The following SH3PXD2B variants were observed in gnomAD, a reference collection of about 807,000 sequenced individuals.
SH3PXD2B encodes the protein SH3 and PX domains 2B.
Under a neutral mutation model 73.1 loss-of-function variants are expected in SH3PXD2B, and 37 were observed. That is an observed-to-expected ratio of 0.51 (90% CI 0.39 to 0.67). The LOEUF is 0.67. Ranked by LOEUF, SH3PXD2B falls within the 30% of genes least tolerant of loss-of-function variation. The pLI is 0.00. For missense variants in SH3PXD2B, 1,053 were observed against 1,197.8 expected (o/e 0.88, Z 1.78); for synonymous variants, 457 against 480.5 (o/e 0.95, Z 0.64).
chr5:172,439,690 GCGCACACACACACACACACACA>G (rs1759504020), intron 1 of SH3PXD2B, among the ~76,000 whole-genome samples: 2 of 113,166 alleles, frequency 1.8e-5, no homozygotes, highest in African/African-American at 7.6e-5. Context: ...GCGCACGCGC[GCGCACACACACACACACACACA>G]CACACACACA....
chr5:172,439,266 AAAACAAAAACAAAACAAAAAAAAAAC>A (rs1561583440), intron 1 of SH3PXD2B, among the ~76,000 whole-genome samples: 706 of 65,644 alleles, frequency 0.011, 13 homozygotes, highest in African/African-American at 0.04. Context: ...AAAAAAAACA[AAAACAAAAACAAAACAAAAAAAAAAC>A]CCCAAAAAAA....
intron 6 of SH3PXD2B, among the ~76,000 whole-genome samples, chr5:172,363,216 CCAAA>C (rs1431234686): frequency 2.0e-5 from 3 of 152,232 alleles, no homozygotes; most frequent in East Asian, 1.9e-4. Flanking sequence ...ATCCATCCAT[CCAAA>C]CATTCATCTA....
intron 1 of SH3PXD2B, among the ~76,000 whole-genome samples, chr5:172,439,238 G>GAAAAAAAAAAAAAAAA (rs922645535): frequency 6.0e-5 from 2 of 33,220 alleles, no homozygotes; most frequent in African/African-American, 1.4e-4. Context: ...AGAAAAAACA[G>GAAAAAAAAAAAAAAAA]AAAAAAAAAA....
intron 8 of SH3PXD2B, among the ~76,000 whole-genome samples, chr5:172,355,832 G>C (rs1318788389): frequency 6.6e-6 from 1 of 152,102 alleles, no homozygotes; most frequent in East Asian, 1.9e-4. Flanking sequence ...GTGTGAGCCA[G>C]CGCGCCCAGC....
chr5:172,405,276 T>C (rs956146154), intron 3 of SH3PXD2B, among the ~76,000 whole-genome samples: 3 of 152,288 alleles, frequency 2.0e-5, no homozygotes, highest in Admixed American at 6.5e-5. Flanking sequence ...CCCAAGGATG[T>C]GCCGCCCTAA....
chr5:172,389,708 G>C (rs1758136899), intron 4 of SH3PXD2B, among the ~76,000 whole-genome samples: 1 of 152,074 alleles, frequency 6.6e-6, no homozygotes, highest in African/African-American at 2.4e-5. Context: ...CTGGGAGATA[G>C]AGCAAGACCT....
chr5:172,405,459 T>C (rs1476662629), intron 3 of SH3PXD2B, among the ~76,000 whole-genome samples: 1 of 152,236 alleles, frequency 6.6e-6, no homozygotes, highest in Non-Finnish European at 1.5e-5. Context: ...TAGTCAGATT[T>C]GCTGCCCCAC....
At chr5:172,355,706 G>A (rs906906125) in intron 8 of SH3PXD2B, among the ~76,000 whole-genome samples, 8 of 151,976 alleles carry the variant, frequency 5.3e-5, no homozygotes, top group South Asian at 2.1e-4. Context: ...CACCACGCCC[G>A]GCTAATTTTT....
chr5:172,388,605 T>A (rs1188839135), intron 4 of SH3PXD2B, among the ~76,000 whole-genome samples: 1 of 152,244 alleles, frequency 6.6e-6, no homozygotes, highest in Non-Finnish European at 1.5e-5. Context: ...TATCCTGTAT[T>A]ACTCTCGGAT....
chr5:172,433,780 C>A (rs182273000), intron 1 of SH3PXD2B, among the ~76,000 whole-genome samples: 1 of 152,336 alleles, frequency 6.6e-6, no homozygotes, highest in Non-Finnish European at 1.5e-5. Context: ...TCCATCCTAC[C>A]TTGCAAGCTA....
downstream of SH3PXD2B, among the ~76,000 whole-genome samples, chr5:172,329,065 A>G (rs1395082176): frequency 1.3e-5 from 1 of 78,202 alleles, no homozygotes; most frequent in African/African-American, 4.9e-5. Flanking sequence ...GTGTGTATAT[A>G]TATATATATA....
intron 4 of SH3PXD2B, among the ~76,000 whole-genome samples, chr5:172,388,390 A>G (rs1758101926): frequency 6.6e-6 from 1 of 152,220 alleles, no homozygotes; most frequent in South Asian, 2.1e-4. Flanking sequence ...TCTATAAAAG[A>G]AAGGGATCAT....
chr5:172,347,474 T>TG, intron 10 of SH3PXD2B, 142 bp from the exon 11 acceptor site: 1 of 837,270 alleles, frequency 1.2e-6, no homozygotes, highest in Admixed American at 2.0e-5. Flanking sequence ...GAGAACAGCC[T>TG]GGGCAGGAAG....
intron 2 of SH3PXD2B, among the ~76,000 whole-genome samples, chr5:172,410,001 C>A (rs1758655962): frequency 6.6e-6 from 1 of 152,240 alleles, no homozygotes; most frequent in Admixed American, 6.5e-5. Context: ...CAGGCATGAG[C>A]CACTGTGCCC....
intron 1 of SH3PXD2B, among the ~76,000 whole-genome samples, chr5:172,427,323 CAGAATGGGT>C (rs1214076245): frequency 2.6e-5 from 4 of 152,002 alleles, no homozygotes; most frequent in Admixed American, 2.6e-4. Context: ...TGGTGGTTGC[CAGAATGGGT>C]AGAATGGGGA....
intron 7 of SH3PXD2B, among the ~76,000 whole-genome samples, chr5:172,361,195 G>A (rs1246503698): frequency 3.3e-5 from 5 of 151,854 alleles, no homozygotes; most frequent in East Asian, 3.9e-4. Context: ...ATGTTCACAC[G>A]TACACACACG....
intron 3 of SH3PXD2B, 78 bp downstream of exon 3, chr5:172,406,198 CT>C (rs1758552109): frequency 4.1e-6 from 6 of 1,464,702 alleles, no homozygotes; most frequent in Admixed American, 3.5e-5. Flanking sequence ...GGAAGACAAG[CT>C]GATAAACTGT....
In SH3PXD2B at chr5:172,335,718, A is replaced by G; in HGVS notation, c.*2651T>C. ...CACAGAATAGCGACCACAGTCCTGG[A>G]TGGGGTAAATCTAAGTCCCCAGGCA... is the stretch of plus-strand genomic sequence containing the variant. On this transcript the variant is annotated 3_prime_UTR_variant, in exon 13 of 13. Transcript: ENST00000311601. 1.6e-6 allele frequency: 2 copies of G among 1,231,592 alleles called. No individual in the cohort carries two copies. Among genetic ancestry groups the G allele is most frequent in the African/African-American group, 1.5e-5 (1 of 64,520 alleles). The allele number at this position is 1,231,592 out of a possible 1,614,324, so 76.3% of individuals were successfully genotyped here. A position where few individuals can be genotyped will look rare whatever the true frequency, so the allele number is the denominator to read the frequency against.
At chr5:172,406,623 C>T (rs1418256039) in intron 2 of SH3PXD2B, among the ~76,000 whole-genome samples, 2 of 152,088 alleles carry the variant, frequency 1.3e-5, no homozygotes, top group East Asian at 1.9e-4. Flanking sequence ...TCTCCATCCA[C>T]AGGATCTGAA....
Sources: allele counts gnomAD v4.1 joint callset (sites outside exome capture counted in the v4.1 genomes callset), GRCh38; gene constraint gnomAD v4.1.1; transcripts MANE v1.5; gene names NCBI Gene and HGNC (gene_info 2026-07-23, HGNC 2026-07-21).